Variants in ST3GAL1 observed in about 807,000 individuals in gnomAD.
ST3GAL1 encodes ST3 beta-galactoside alpha-2,3-sialyltransferase 1.
Under a neutral mutation model 34.1 loss-of-function variants are expected in ST3GAL1, and 16 were observed. That is an observed-to-expected ratio of 0.47 (90% CI 0.32 to 0.71). The LOEUF (loss-of-function observed/expected upper bound fraction) is 0.71. Among genes scored for constraint, ST3GAL1 ranks in the 30% least tolerant of loss-of-function variants. The pLI is 0.04. For missense variants in ST3GAL1, 353 were observed against 447.4 expected, an observed-to-expected ratio of 0.79 and a Z score of 1.90; for synonymous variants, 191 against 184.7, an observed-to-expected ratio of 1.03 and a Z score of -0.28.
chr8:133,562,794 TTTCCTTCCTTCCTTCCTTCCTTCCTTCC>T lies in ST3GAL1; in HGVS notation c.-582+8871_-582+8898del, dbSNP rs772597674. 2.8e-5 allele frequency among the ~76,000 whole-genome samples: 3 copies of T among 108,564 alleles called. No homozygotes were observed. The Admixed American group carries it at 2.9e-4, about 10-fold the overall frequency. 71.2% of individuals were successfully genotyped at this position (108,564 alleles called of 152,430 possible). A position where few individuals can be genotyped will look rare whatever the true frequency, so the allele number is the denominator to read the frequency against. On this transcript the variant is annotated intron_variant, in intron 1 of 9. Coordinates refer to ENST00000522652, the MANE Select transcript of ST3GAL1 (RefSeq NM_173344.3). ...AGAAAAGGGTTTCTTTCTTTCTTTC[TTTCCTTCCTTCCTTCCTTCCTTCCTTCC>T]TTCCTTCCTTCCTTCCTTCCTTTCT...
intron 5 of ST3GAL1, among the ~76,000 whole-genome samples, chr8:133,473,452 CCT>C (rs1236083913): frequency 6.6e-6 from 1 of 152,054 alleles, no homozygotes; most frequent in African/African-American, 2.4e-5. Flanking sequence ...TGTGTAGTAC[CCT>C]GTTTGTCCCC....
In ST3GAL1 at chr8:133,469,980, T is replaced by C. The variant is rs1185077862; in HGVS notation, c.307-3890A>G. Among the ~76,000 whole-genome samples the C allele has an allele frequency of 6.6e-6, 1 of 152,220 alleles. No homozygotes were observed. The highest frequency in any genetic ancestry group is 1.5e-5 in the Non-Finnish European group (1 of 68,030). ...AGTGCAGGGCCAGGTAGAGCTCAGA[T>C]GGGAAACTGGCTCTTTCTCTAGATT... On this transcript the variant is annotated intron_variant, in intron 5 of 9. Transcript: ENST00000522652. The surrounding 1 kb of genome is among the most constrained non-coding windows in gnomAD (Gnocchi z 4.3).
intron 3 of ST3GAL1, among the ~76,000 whole-genome samples, chr8:133,481,177 C>T (rs1586601843): frequency 6.6e-6 from 1 of 152,342 alleles, no homozygotes; most frequent in East Asian, 1.9e-4. Flanking sequence ...GACAAAAATG[C>T]AGAGGCTCTG....
chr8:133,547,556 G>T (rs1187341638), intron 1 of ST3GAL1, among the ~76,000 whole-genome samples: 1 of 152,300 alleles, frequency 6.6e-6, no homozygotes, highest in Middle Eastern at 3.4e-3. Context: ...GCAAGCCTGA[G>T]GTAGCCCCCT....
rs142046211 is a variant in ST3GAL1 at position 133,533,455 on chromosome 8, C to T, written c.-429+12319G>A. Among the ~76,000 whole-genome samples, 29 of 152,308 alleles carry T rather than the reference C, an allele frequency of 1.9e-4. No individual in the cohort carries two copies. In the Middle Eastern group the frequency reaches 0.02, roughly 107 times the overall value. ...CCACCAACTCACCGCACATTAGTCCCCAAGAAATGAGAGCCATGAGAATGG... is the reference window on the plus strand; with the variant it reads ...CCACCAACTCACCGCACATTAGTCCTCAAGAAATGAGAGCCATGAGAATGG... On this transcript the variant is annotated intron_variant, in intron 2 of 9. Transcript: ENST00000522652.
intron 2 of ST3GAL1, among the ~76,000 whole-genome samples, chr8:133,504,214 G>A (rs1160310885): frequency 6.6e-6 from 1 of 152,150 alleles, no homozygotes; most frequent in Non-Finnish European, 1.5e-5. Context: ...CTTCCCCAAG[G>A]TCATGGAGCC....
intron 2 of ST3GAL1, among the ~76,000 whole-genome samples, chr8:133,540,766 TATATATATAGAGAC>T (rs1459293678): frequency 2.0e-3 from 151 of 75,566 alleles, no homozygotes; most frequent in Middle Eastern, 9.1e-3. Context: ...TATATAGACA[TATATATATAGAGAC>T]ATATATATAT....
rs1400200870 is a variant in ST3GAL1 at position 133,469,905 on chromosome 8, G to C, written c.307-3815C>G. 6.6e-6 allele frequency among the ~76,000 whole-genome samples: 1 copy of C among 152,166 alleles called. No homozygotes were observed. The highest frequency in any genetic ancestry group is 2.4e-5 in the African/African-American group (1 of 41,434). On this transcript the variant is annotated intron_variant, in intron 5 of 9. Coordinates refer to ENST00000522652, the MANE Select transcript of ST3GAL1 (RefSeq NM_173344.3). This position sits in a 1 kb window ranked among gnomAD's most constrained non-coding sequence, Gnocchi z 4.3. ...ATTCCAATCTTTCATTGGCAAAAGG[G>C]GAAATGGAGGCCCAGACCCTGGAAA...
intron 8 of ST3GAL1, among the ~76,000 whole-genome samples, 153 bp from the exon 9 acceptor site, chr8:133,462,147 G>A (rs1815537556): frequency 6.6e-6 from 1 of 152,176 alleles, no homozygotes; most frequent in South Asian, 2.1e-4. Flanking sequence ...TCGTAGGAAA[G>A]ATGGACACTC....
At chr8:133,549,090 C>T (rs1818750730) in intron 1 of ST3GAL1, among the ~76,000 whole-genome samples, 1 of 152,218 alleles carries the variant, frequency 6.6e-6, no homozygotes, top group Admixed American at 6.5e-5. Context: ...TATACTGCAA[C>T]TGTTCTATGC....
intron 1 of ST3GAL1, chr8:133,567,156 T>C (rs939687305): frequency 6.6e-6 from 1 of 152,208 alleles, no homozygotes; most frequent in Non-Finnish European, 1.5e-5. Context: ...GAGGGAACCT[T>C]TCCCTTCTCC....
At chr8:133,504,121 G>A (rs1817263457) in intron 2 of ST3GAL1, among the ~76,000 whole-genome samples, 1 of 152,038 alleles carries the variant, frequency 6.6e-6, no homozygotes, top group Admixed American at 6.6e-5. Flanking sequence ...GGGGAGGGAG[G>A]GCATCTGGAG....
At position 133,508,500 on chromosome 8, in the gene ST3GAL1, G is replaced by A. The variant is rs774043378; in HGVS notation, c.-428-9311C>T. Among the ~76,000 whole-genome samples the A allele has an allele frequency of 3.9e-5, 6 of 152,110 alleles. No individual in the cohort carries two copies. Among genetic ancestry groups the A allele is most frequent in the Non-Finnish European group, 8.8e-5 (6 of 68,028 alleles). ...CTGGAACACTTCCTCTGCAATCTAC[G>A]TGCACGGAGTCCCAGACTCAGGTTC... On this transcript the variant is annotated intron_variant, in intron 2 of 9. Transcript: ENST00000522652. The surrounding 1 kb of genome is among the most constrained non-coding windows in gnomAD (Gnocchi z 4.1).
chr8:133,472,624 G>T (rs1816011939), intron 5 of ST3GAL1, among the ~76,000 whole-genome samples: 2 of 152,204 alleles, frequency 1.3e-5, no homozygotes, highest in Non-Finnish European at 2.9e-5. Flanking sequence ...TTCAAAGCGT[G>T]TGGTTTCCGT....
intron 2 of ST3GAL1, chr8:133,515,666 G>A (rs948145965): frequency 6.6e-6 from 1 of 151,990 alleles, no homozygotes; most frequent in Non-Finnish European, 1.5e-5. Context: ...TTAATAATTA[G>A]CACAGCTCTC....
At chr8:133,515,406 T>C (rs1401431803) in intron 2 of ST3GAL1, 1 of 152,248 alleles carries the variant, frequency 6.6e-6, no homozygotes, top group Non-Finnish European at 1.5e-5. Context: ...ATCTGGGTCA[T>C]GGGGAGCAAA....
At chr8:133,481,344 A>G (rs888568939) in intron 3 of ST3GAL1, among the ~76,000 whole-genome samples, 2 of 152,242 alleles carry the variant, frequency 1.3e-5, no homozygotes, top group African/African-American at 4.8e-5. Context: ...GCCGTTCTCA[A>G]CAGGTAAACC....
intron 2 of ST3GAL1, among the ~76,000 whole-genome samples, chr8:133,543,608 A>C (rs1368324750): frequency 2.0e-5 from 3 of 152,186 alleles, no homozygotes; most frequent in Non-Finnish European, 4.4e-5. Flanking sequence ...ATTGAAAAAA[A>C]TTAAAAATGG....
At chr8:133,532,663 T>C (rs955328335) in intron 2 of ST3GAL1, among the ~76,000 whole-genome samples, 5 of 152,166 alleles carry the variant, frequency 3.3e-5, no homozygotes, top group South Asian at 2.1e-4. Flanking sequence ...AGCAAAAACT[T>C]TGGGGCGGCT....
Sources: gnomAD v4.1 joint callset for allele counts (sites outside exome capture counted in the v4.1 genomes callset) on GRCh38, gnomAD v4.1.1 for gene constraint, Gnocchi (gnomAD v3.1) non-coding constraint, MANE v1.5 for transcripts, NCBI Gene and HGNC (gene_info 2026-07-23, HGNC 2026-07-21) for gene names.